SHROOM2: variants seen among roughly 807,000 people sequenced by gnomAD.
SHROOM2 encodes the protein shroom family member 2.
A neutral mutation model predicts 75.9 loss-of-function variants in SHROOM2; 33 were observed. That is an observed-to-expected ratio of 0.43 (90% CI 0.33 to 0.58). The LOEUF (loss-of-function observed/expected upper bound fraction) is 0.58, where lower values mean the gene tolerates loss of function less well. Ranked by LOEUF, SHROOM2 falls within the 20% of genes least tolerant of loss-of-function variation. The pLI, the probability that SHROOM2 is intolerant of heterozygous loss-of-function variation, is 0.04. For synonymous variants in SHROOM2, 655 were observed against 663.6 expected (o/e 0.99, Z 0.20); for missense variants, 1,434 against 1,461.2 (o/e 0.98, Z 0.30).
chrX:9,941,737 C>T (rs1466219712), intron 8 of SHROOM2, among the ~76,000 whole-genome samples: 7 of 109,813 alleles, frequency 6.4e-5, no homozygotes, highest in Admixed American at 4.9e-4. Context: ...TTTCGGAGGC[C>T]GAGGTGGGCG....
intron 5 of SHROOM2, among the ~76,000 whole-genome samples, chrX:9,909,548 G>A (rs1301332684): frequency 8.9e-6 from 1 of 112,072 alleles, no homozygotes; most frequent in East Asian, 2.8e-4. Flanking sequence ...TTCACCAGGC[G>A]ATCAGGGCCA....
At chrX:9,928,025 G>A (rs191204705) in intron 5 of SHROOM2, among the ~76,000 whole-genome samples, 2 of 112,042 alleles carry the variant, frequency 1.8e-5, no homozygotes, top group African/African-American at 6.5e-5. Context: ...CAGTGGTTTC[G>A]GTCCTGTCAT....
intron 1 of SHROOM2, among the ~76,000 whole-genome samples, chrX:9,794,691 T>C (rs753410329): frequency 1.9e-4 from 21 of 112,086 alleles, no homozygotes; most frequent in Non-Finnish European, 3.4e-4. Flanking sequence ...TTTCTTTAAC[T>C]GACTACTGTC....
At chrX:9,920,453 G>A (rs1457330599) in intron 5 of SHROOM2, among the ~76,000 whole-genome samples, 1 of 111,906 alleles carries the variant, frequency 8.9e-6, no homozygotes, top group African/African-American at 3.3e-5. Flanking sequence ...TTCATACATT[G>A]CTTGTTACCT....
chrX:9,860,318 A>G (rs1212452253), intron 1 of SHROOM2, among the ~76,000 whole-genome samples: 1 of 111,597 alleles, frequency 9.0e-6, no homozygotes, highest in African/African-American at 3.3e-5. Context: ...GGGTAAAATA[A>G]CCCATTTGTA....
intron 6 of SHROOM2, among the ~76,000 whole-genome samples, chrX:9,936,416 CT>C (rs1461674655): frequency 9.0e-6 from 1 of 111,260 alleles, no homozygotes; most frequent in Non-Finnish European, 1.9e-5. Flanking sequence ...CTGGCTGACA[CT>C]TTTTTAAAAA....
intron 2 of SHROOM2, among the ~76,000 whole-genome samples, chrX:9,888,013 C>T (rs763425978): frequency 5.2e-4 from 59 of 113,209 alleles, no homozygotes; most frequent in Non-Finnish European, 8.1e-4. Flanking sequence ...ATAAATTAAC[C>T]ACTTATGAAT....
intron 1 of SHROOM2, among the ~76,000 whole-genome samples, chrX:9,802,829 AC>A (rs2083730800): frequency 2.7e-5 from 3 of 110,868 alleles, no homozygotes; most frequent in Non-Finnish European, 3.8e-5. Flanking sequence ...AGACAAGGTA[AC>A]TTGGGCTGAG....
chrX:9,855,295 T>TAAAAAAAAAA (rs57235424), intron 1 of SHROOM2, among the ~76,000 whole-genome samples: 3 of 39,299 alleles, frequency 7.6e-5, no homozygotes, highest in African/African-American at 9.3e-5. Context: ...TAAAGTATAG[T>TAAAAAAAAAA]AAAAAAAAAA....
chrX:9,798,071 G>A (rs1423971491), intron 1 of SHROOM2, among the ~76,000 whole-genome samples: 1 of 111,401 alleles, frequency 9.0e-6, no homozygotes, highest in Non-Finnish European at 1.9e-5. Flanking sequence ...AAAGCCAGAT[G>A]AAAGCCAAGT....
intron 8 of SHROOM2, 73 bp downstream of exon 8, chrX:9,939,439 G>A (rs2084749304): frequency 5.3e-6 from 5 of 951,692 alleles, no homozygotes; most frequent in Non-Finnish European, 7.1e-6. Context: ...ACACCATCCT[G>A]CCCCAGCGCA....
At chrX:9,864,973 A>C (rs1160048663) in intron 1 of SHROOM2, 1 of 112,200 alleles carries the variant, frequency 8.9e-6, no homozygotes, top group East Asian at 2.8e-4. Context: ...TGATCGCACC[A>C]CTGCACTCCA....
intron 1 of SHROOM2, among the ~76,000 whole-genome samples, chrX:9,811,704 G>A (rs775789683): frequency 5.7e-4 from 64 of 112,011 alleles, no homozygotes; most frequent in African/African-American, 2.0e-3. Context: ...TCGGGGTGTC[G>A]TAGAAAGGGG....
chrX:9,879,521 A>G (rs1290055915), intron 2 of SHROOM2, among the ~76,000 whole-genome samples: 1 of 112,484 alleles, frequency 8.9e-6, no homozygotes, highest in East Asian at 2.8e-4. Flanking sequence ...TTGGCCTGCC[A>G]AAGTGCTGGG....
rs1156259213 is a variant in SHROOM2, at chrX:9,948,898, T to C, written c.*1961T>C. On this transcript the variant is annotated 3_prime_UTR_variant, in exon 10 of 10. Transcript: ENST00000380913. ...CCTCGGGGAGACGACCCAAGGAATT[T>C]CAGAGTATTTTGTTTGGCAGAGCTT... The C allele has an allele frequency of 8.6e-6, 1 of 116,072 alleles. No individual in the cohort carries two copies. The highest frequency in any genetic ancestry group is 1.8e-5 in the Non-Finnish European group (1 of 55,383). The allele number at this position is 116,072 out of a possible 1,213,427, so 9.6% of individuals were successfully genotyped here.
intron 1 of SHROOM2, among the ~76,000 whole-genome samples, chrX:9,872,452 C>G (rs1383330851): frequency 9.0e-6 from 1 of 111,521 alleles, no homozygotes; most frequent in Non-Finnish European, 1.9e-5. Context: ...GTAATCCCAG[C>G]TACTCAGGAG....
intron 1 of SHROOM2, among the ~76,000 whole-genome samples, chrX:9,855,697 C>G (rs1357193380): frequency 8.9e-6 from 1 of 111,874 alleles, no homozygotes; most frequent in Non-Finnish European, 1.9e-5. Context: ...CTGCTCTGCG[C>G]CAGGAAGAAG....
At position 9,947,279 on chromosome X, in the gene SHROOM2, C is replaced by A; in HGVS notation, c.*342C>A. The A allele has an allele frequency of 4.2e-6, 1 of 240,100 alleles. No homozygotes were observed. The highest frequency in any genetic ancestry group is 7.4e-6 in the Non-Finnish European group (1 of 135,615). The allele number at this position is 240,100 out of a possible 1,213,427, so 19.8% of individuals were successfully genotyped here. ...GGAAACCCGTTGTTCCTCCCGTCTT[C>A]AGATGCTGAGCCAACTGCTTGGACA... On this transcript the variant is annotated 3_prime_UTR_variant, in exon 10 of 10. Coordinates refer to ENST00000380913, the MANE Select transcript of SHROOM2 (RefSeq NM_001649.4).
At position 9,898,262 on chromosome X, in the gene SHROOM2, C is replaced by G. The variant is rs777124643; in HGVS notation, c.2863C>G (p.Arg955Gly). ...EPREELPSAV[R>G]AEEGQSTPRQ... ...CAGAGAAGAGCTTCCCTCCGCAGTC[C>G]GGGCCGAGGAGGGACAGTCCACGCC... is the stretch of plus-strand genomic sequence containing the variant. The change falls in exon 5 of 10, where the codon CGG becomes GGG. Residue 955 changes from arginine to glycine, a missense_variant. This residue lies in a region of SHROOM2 where 1,340 missense variants were observed against 1,338.3 expected (regional missense o/e 1.00). Transcript: ENST00000380913. 1.8e-5 allele frequency: 21 copies of G among 1,180,879 alleles called. No individual in the cohort carries two copies. The highest frequency in any genetic ancestry group is 2.0e-5 in the Non-Finnish European group (18 of 879,673).
Sources: allele counts gnomAD v4.1 joint callset (sites outside exome capture counted in the v4.1 genomes callset), GRCh38; gene constraint gnomAD v4.1.1; regional missense constraint gnomAD v4.1.1; transcripts MANE v1.5; gene names NCBI Gene and HGNC (gene_info 2026-07-23, HGNC 2026-07-21).